The following ACSL3 variants were observed in gnomAD, a reference collection of about 807,000 sequenced individuals.
ACSL3 encodes the protein fatty acid CoA ligase Acsl3.
In ACSL3, 34 loss-of-function variants were observed where a neutral mutation model predicts 84.7. That is an observed-to-expected ratio of 0.40 (90% confidence interval 0.31 to 0.53). The LOEUF is 0.53. Among genes scored for constraint, ACSL3 ranks in the 20% least tolerant of loss-of-function variants. The pLI, the probability that ACSL3 is intolerant of heterozygous loss-of-function variation, is 0.48. For synonymous variants in ACSL3, 315 were observed against 299.4 expected (o/e 1.05, Z -0.54); for missense variants, 680 against 873.1 (o/e 0.78, Z 2.79).
At chr2:222,921,075 C>G (rs1056529591) in intron 7 of ACSL3, 2 of 673,790 alleles carry the variant, frequency 3.0e-6, no homozygotes, top group Non-Finnish European at 5.5e-6. Flanking sequence ...ATAGGTTAAT[C>G]TGTTTGTATA....
intron 1 of ACSL3, among the ~76,000 whole-genome samples, chr2:222,876,004 C>T (rs1416948161): frequency 6.6e-6 from 1 of 152,102 alleles, no homozygotes; most frequent in Non-Finnish European, 1.5e-5. Context: ...GAAAGTAAAA[C>T]AGTAAACATA....
intron 3 of ACSL3, among the ~76,000 whole-genome samples, chr2:222,901,937 C>T (rs771392503): frequency 3.9e-4 from 9 of 23,022 alleles, no homozygotes; most frequent in Non-Finnish European, 5.7e-4. Flanking sequence ...GAGTGAGACT[C>T]GGTCTCAAAA....
intron 2 of ACSL3, among the ~76,000 whole-genome samples, chr2:222,899,095 A>C (rs1259901559): frequency 6.6e-6 from 1 of 152,122 alleles, no homozygotes; most frequent in African/African-American, 2.4e-5. Flanking sequence ...GATATAGAAA[A>C]ATAAACACTG....
At chr2:222,911,037 G>T (rs1696426799) in intron 4 of ACSL3, among the ~76,000 whole-genome samples, 1 of 148,344 alleles carries the variant, frequency 6.7e-6, no homozygotes. Flanking sequence ...TTACATATCT[G>T]GCACTGCCTT....
chr2:222,942,568 A>G lies in ACSL3; in HGVS notation c.*914A>G, dbSNP rs1348216878. The G allele has an allele frequency of 5.1e-6, 1 of 196,392 alleles. No homozygotes were observed. The highest frequency in any genetic ancestry group is 1.1e-5 in the Non-Finnish European group (1 of 94,868). The allele number at this position is 196,392 out of a possible 1,614,324, so 12.2% of individuals were successfully genotyped here. A position where few individuals can be genotyped will look rare whatever the true frequency, so the allele number is the denominator to read the frequency against. On this transcript the variant is annotated 3_prime_UTR_variant, in exon 17 of 17. Coordinates refer to ENST00000357430, the MANE Select transcript of ACSL3 (RefSeq NM_004457.5). ...ACTATATGTACATTGAGTTATCTAT[A>G]TTTGTAAACAAATTAGTCATGGAAA...
At chr2:222,872,840 TGTGGG>T (rs1695339799) in intron 1 of ACSL3, among the ~76,000 whole-genome samples, 1 of 150,088 alleles carries the variant, frequency 6.7e-6, no homozygotes, top group African/African-American at 2.5e-5. Context: ...CTTGAAGCAA[TGTGGG>T]GTGGGGTGGG....
intron 16 of ACSL3, among the ~76,000 whole-genome samples, chr2:222,937,302 T>C (rs1233749672): frequency 3.3e-5 from 5 of 152,206 alleles, no homozygotes; most frequent in Admixed American, 3.3e-4. Context: ...TGCTGGAATC[T>C]TTATTAGTTA....
intron 4 of ACSL3, among the ~76,000 whole-genome samples, chr2:222,914,356 TG>T (rs968466704): frequency 2.6e-5 from 4 of 151,886 alleles, no homozygotes; most frequent in African/African-American, 4.8e-5. Context: ...CTTGAGTTCC[TG>T]GGGTCAGGTG....
Position 222,933,153 on chromosome 2 carries a change from C to T in ACSL3, c.1733-13C>T. On this transcript the variant is annotated splice_polypyrimidine_tract_variant and intron_variant, in intron 14 of 16. Coordinates refer to ENST00000357430, the MANE Select transcript of ACSL3 (RefSeq NM_004457.5). ...TCATTGTTTTCCCCTCTCCACCTTT[C>T]TTTGTTTTGCAGATCGTAAAAAGGA... is the stretch of plus-strand genomic sequence containing the variant. 1 of 1,558,626 alleles carries T rather than the reference C, an allele frequency of 6.4e-7. No homozygotes were observed. The highest frequency in any genetic ancestry group is 8.8e-7 in the Non-Finnish European group (1 of 1,131,382).
chr2:222,944,455 T>C lies in ACSL3; in HGVS notation c.*2801T>C, dbSNP rs1439436529. The stretch of plus-strand genomic sequence containing the variant: ...TATTGGACCACACTGAAATGTCATA[T>C]ATCCTTTCTCTACTTAAAATTGGTT... On this transcript the variant is annotated 3_prime_UTR_variant, in exon 17 of 17. Transcript: ENST00000357430. The C allele has an allele frequency of 6.6e-6, 1 of 152,148 alleles. No individual in the cohort carries two copies. Among genetic ancestry groups the C allele is most frequent in the Non-Finnish European group, 1.5e-5 (1 of 67,988 alleles). 9.4% of individuals were successfully genotyped at this position (152,148 alleles called of 1,614,324 possible). A position where few individuals can be genotyped will look rare whatever the true frequency, so the allele number is the denominator to read the frequency against.
chr2:222,908,839 T>C lies in ACSL3; in HGVS notation c.67T>C (p.Leu23=). The change falls in exon 4 of 17, where the codon TTA becomes CTA. Residue 23 remains leucine, a synonymous_variant. Coordinates refer to ENST00000357430, the MANE Select transcript of ACSL3 (RefSeq NM_004457.5). ...AAAACATACCATCAACCCTATTCTT[T>C]TATATTTTATACATTTTCTAATATC... is the stretch of plus-strand genomic sequence containing the variant. The part of the protein sequence containing the change: ...KLKHTINPIL[L]YFIHFLISLY... 1 of 1,604,350 alleles carries C rather than the reference T, an allele frequency of 6.2e-7. No homozygotes were observed. The highest frequency in any genetic ancestry group is 8.5e-7 in the Non-Finnish European group (1 of 1,174,132).
At position 222,904,620 on chromosome 2, in the gene ACSL3, A is replaced by G. The variant is rs550274931; in HGVS notation, c.-41+3840A>G. 2.0e-5 allele frequency: 3 copies of G among 153,460 alleles called. No individual in the cohort carries two copies. In the East Asian group the frequency reaches 5.8e-4, roughly 30 times the overall value. The allele number at this position is 153,460 out of a possible 1,614,324, so 9.5% of individuals were successfully genotyped here. A position where few individuals can be genotyped will look rare whatever the true frequency, so the allele number is the denominator to read the frequency against. On this transcript the variant is annotated intron_variant, in intron 3 of 16. Coordinates refer to ENST00000357430, the MANE Select transcript of ACSL3 (RefSeq NM_004457.5). ...TCTGTGAAAATTCATTTTAAGTAGCAAGTTGTTTTTTTCTGTGGTTCATTC... is the reference window on the plus strand; with the variant it reads ...TCTGTGAAAATTCATTTTAAGTAGCGAGTTGTTTTTTTCTGTGGTTCATTC...
At position 222,901,943 on chromosome 2, in the gene ACSL3, CAAAAA is replaced by C. The variant is rs765995360; in HGVS notation, c.-41+1180_-41+1184del. On this transcript the variant is annotated intron_variant, in intron 3 of 16. Transcript: ENST00000357430. ...TGGGTGACAGAGTGAGACTCGGTCT[CAAAAA>C]AAAAAAAAAAAAAAAAGAACTCAAA... Among the ~76,000 whole-genome samples, 11 of 12,390 alleles carry C rather than the reference CAAAAA, an allele frequency of 8.9e-4. 1 individual carries two copies. Among genetic ancestry groups the C allele is most frequent in the South Asian group, 0.017 (2 of 118 alleles). The allele number at this position is 12,390 out of a possible 152,430, so 8.1% of individuals were successfully genotyped here.
intron 4 of ACSL3, among the ~76,000 whole-genome samples, chr2:222,909,940 G>A (rs567875107): frequency 9.9e-5 from 15 of 152,236 alleles, no homozygotes; most frequent in African/African-American, 3.4e-4. Context: ...CTACCCCAGG[G>A]ACACTACAGC....
At chr2:222,922,676 C>A in intron 8 of ACSL3, 32 bp from the exon 9 acceptor site, 1 of 1,612,630 alleles carries the variant, frequency 6.2e-7, no homozygotes, top group East Asian at 2.2e-5. Flanking sequence ...CGACACCTGA[C>A]TTTTGTTTCT....
intron 14 of ACSL3, among the ~76,000 whole-genome samples, chr2:222,931,805 C>T (rs76511527): frequency 8.5e-5 from 13 of 152,308 alleles, no homozygotes; most frequent in East Asian, 7.7e-4. Flanking sequence ...TTTTCCTCCT[C>T]CTCCTTGATG....
In ACSL3 at chr2:222,943,094, A is replaced by ACAAAC. The variant is rs1476187900; in HGVS notation, c.*1440_*1441insCAAAC. 3 of 97,700 alleles carry ACAAAC rather than the reference A, an allele frequency of 3.1e-5. No homozygotes were observed. Among genetic ancestry groups the ACAAAC allele is most frequent in the Non-Finnish European group, 5.0e-5 (3 of 59,412 alleles). The allele number at this position is 97,700 out of a possible 1,614,324, so 6.1% of individuals were successfully genotyped here. ...ATCAAAAGGCAAAAATCAAAAAAAA[A>ACAAAC]AAAAACAAAAACAAAAAAAAAGATG... On this transcript the variant is annotated 3_prime_UTR_variant, in exon 17 of 17. Transcript: ENST00000357430.
intron 3 of ACSL3, among the ~76,000 whole-genome samples, chr2:222,907,445 T>C (rs2106116670): frequency 6.6e-6 from 1 of 152,292 alleles, no homozygotes; most frequent in Middle Eastern, 3.4e-3. Flanking sequence ...AACTAGTTAC[T>C]AGTTAGCTTC....
chr2:222,875,922 T>C (rs1188295188), intron 1 of ACSL3, among the ~76,000 whole-genome samples: 2 of 152,260 alleles, frequency 1.3e-5, no homozygotes, highest in Non-Finnish European at 2.9e-5. Context: ...TACTAGGTAA[T>C]ACTTTGTAGG....
Sources: allele counts gnomAD v4.1 joint callset (sites outside exome capture counted in the v4.1 genomes callset), GRCh38; gene constraint gnomAD v4.1.1; transcripts MANE v1.5; gene names NCBI Gene and HGNC (gene_info 2026-07-23, HGNC 2026-07-21).